Variants in TAFA2 observed in about 807,000 individuals in gnomAD.
The protein encoded by TAFA2 is chemokine-like protein TAFA-2.
TAFA2 carries 7 observed loss-of-function variants against 18.8 expected under a neutral mutation model. The observed-to-expected ratio is 0.37, with a 90% CI of 0.21 to 0.70. TAFA2 has a LOEUF of 0.70. Among genes scored for constraint, TAFA2 ranks in the 30% least tolerant of loss-of-function variants. The pLI, the probability that TAFA2 is intolerant of heterozygous loss-of-function variation, is 0.53. For missense variants in TAFA2, 122 were observed against 158.1 expected (o/e 0.77, Z 1.23); for synonymous variants, 60 against 54.2 (o/e 1.11, Z -0.47).
intron 1 of TAFA2, among the ~76,000 whole-genome samples, chr12:62,155,410 A>C (rs2062361554): frequency 6.6e-6 from 1 of 152,116 alleles, no homozygotes. Context: ...TCCCCATCAA[A>C]ACACCATCAT....
At chr12:62,066,583 C>G (rs2136796343) in intron 1 of TAFA2, among the ~76,000 whole-genome samples, 1 of 152,072 alleles carries the variant, frequency 6.6e-6, no homozygotes, top group South Asian at 2.1e-4. Context: ...GTTTCTGTGT[C>G]TGGCTTATTT....
chr12:61,812,852 G>A (rs892059489), intron 2 of TAFA2, among the ~76,000 whole-genome samples: 5 of 151,484 alleles, frequency 3.3e-5, no homozygotes, highest in African/African-American at 4.9e-5. Context: ...TTACAGGCAT[G>A]AGCCACCACG....
chr12:62,125,981 A>T (rs1870440946), intron 1 of TAFA2, among the ~76,000 whole-genome samples: 1 of 152,042 alleles, frequency 6.6e-6, no homozygotes, highest in Non-Finnish European at 1.5e-5. Context: ...CATATAATAA[A>T]TTTTTTTCGC....
At chr12:61,912,628 C>T (rs1368574251) in intron 1 of TAFA2, among the ~76,000 whole-genome samples, 3 of 152,168 alleles carry the variant, frequency 2.0e-5, no homozygotes, top group Non-Finnish European at 2.9e-5. Context: ...GACATTGTTG[C>T]TCGTTTCTCT....
intron 1 of TAFA2, among the ~76,000 whole-genome samples, chr12:62,222,793 C>T (rs551467170): frequency 6.8e-4 from 103 of 151,990 alleles, no homozygotes; most frequent in African/African-American, 2.5e-3. Flanking sequence ...GGATTACAGG[C>T]GTGAGCCATT....
At chr12:62,170,679 CAG>C (rs10580508) in intron 1 of TAFA2, among the ~76,000 whole-genome samples, 36,714 of 151,970 alleles carry the variant, frequency 0.24, 4,918 homozygotes, top group Non-Finnish European at 0.3. Context: ...CGATACAATG[CAG>C]AGTGGCGAAG....
chr12:62,205,241 C>A (rs1287443096), intron 1 of TAFA2, among the ~76,000 whole-genome samples: 1 of 152,176 alleles, frequency 6.6e-6, no homozygotes, highest in Non-Finnish European at 1.5e-5. Context: ...TGATATAATG[C>A]CAGTGGGAAT....
intron 1 of TAFA2, among the ~76,000 whole-genome samples, chr12:62,160,787 T>A (rs1412691521): frequency 6.6e-6 from 1 of 152,108 alleles, no homozygotes; most frequent in Non-Finnish European, 1.5e-5. Flanking sequence ...TCATCATATC[T>A]AAATGGTCCC....
At chr12:62,121,107 T>C (rs921104937) in intron 1 of TAFA2, among the ~76,000 whole-genome samples, 4 of 152,020 alleles carry the variant, frequency 2.6e-5, no homozygotes, top group Admixed American at 6.6e-5. Flanking sequence ...GGCTGCATCA[T>C]GATTTCTATG....
chr12:62,148,122 A>C (rs1243364300), intron 1 of TAFA2, among the ~76,000 whole-genome samples: 1 of 152,240 alleles, frequency 6.6e-6, no homozygotes, highest in East Asian at 1.9e-4. Flanking sequence ...GTGGGAATGC[A>C]AATTATTAAA....
intron 1 of TAFA2, among the ~76,000 whole-genome samples, chr12:62,232,805 C>T (rs1032059814): frequency 4.6e-5 from 7 of 152,078 alleles, no homozygotes; most frequent in Middle Eastern, 3.5e-3. Flanking sequence ...AGCCACCACA[C>T]GCAGCTGAGT....
chr12:61,971,739 G>A (rs906774560), intron 1 of TAFA2, among the ~76,000 whole-genome samples: 5 of 151,060 alleles, frequency 3.3e-5, no homozygotes, highest in Admixed American at 3.3e-4. Context: ...AGGGGGCTGG[G>A]GGAGGGATAG....
intron 2 of TAFA2, among the ~76,000 whole-genome samples, chr12:61,778,626 A>C (rs1870373753): frequency 6.6e-6 from 1 of 151,910 alleles, no homozygotes; most frequent in Admixed American, 6.6e-5. Flanking sequence ...CAAACACTGA[A>C]CAAATTATGA....
chr12:61,899,105 G>A (rs1251044599), intron 1 of TAFA2, among the ~76,000 whole-genome samples: 1 of 152,116 alleles, frequency 6.6e-6, no homozygotes, highest in Non-Finnish European at 1.5e-5. Flanking sequence ...CCTTAGCCTG[G>A]ACTTCATTGT....
At chr12:61,843,312 A>T (rs542158420) in intron 2 of TAFA2, among the ~76,000 whole-genome samples, 1 of 152,078 alleles carries the variant, frequency 6.6e-6, no homozygotes, top group East Asian at 1.9e-4. Context: ...AAGCTGGTGT[A>T]CTGCTAGGGA....
intron 1 of TAFA2, among the ~76,000 whole-genome samples, chr12:61,877,594 A>G (rs1401539070): frequency 6.6e-6 from 1 of 152,170 alleles, no homozygotes; most frequent in Non-Finnish European, 1.5e-5. Flanking sequence ...AGTCCAAACT[A>G]CAGCCATCGT....
chr12:62,211,086 A>G (rs2062711248), intron 1 of TAFA2, among the ~76,000 whole-genome samples: 1 of 152,228 alleles, frequency 6.6e-6, no homozygotes, highest in South Asian at 2.1e-4. Flanking sequence ...GTGTTAGAAC[A>G]CTGTCATCTG....
chr12:62,002,731 C>G (rs748905908), intron 1 of TAFA2, among the ~76,000 whole-genome samples: 3 of 152,160 alleles, frequency 2.0e-5, no homozygotes, highest in Non-Finnish European at 4.4e-5. Flanking sequence ...GAATTTCTCT[C>G]TTCCAATAAT....
At chr12:62,234,743 AG>A in intron 1 of TAFA2, 1 of 1,108,328 alleles carries the variant, frequency 9.0e-7, no homozygotes, top group Non-Finnish European at 1.4e-6. Flanking sequence ...TCCTTTCCTG[AG>A]GCCTGGAGTT....
Sources: allele counts gnomAD v4.1 joint callset (sites outside exome capture counted in the v4.1 genomes callset), GRCh38; gene constraint gnomAD v4.1.1; transcripts MANE v1.5; gene names NCBI Gene and HGNC (gene_info 2026-07-23, HGNC 2026-07-21).